Variants in CNTN5 observed in about 807,000 individuals in gnomAD.
CNTN5 encodes contactin 5, also known as contactin-5.
Under a neutral mutation model 129.1 loss-of-function variants are expected in CNTN5, and 77 were observed. The ratio of observed to expected loss-of-function variants is 0.60; its 90% CI spans 0.50 to 0.72. CNTN5 has a LOEUF of 0.72. Among genes scored for constraint, CNTN5 ranks in the 30% least tolerant of loss-of-function variants. The pLI, the probability that CNTN5 is intolerant of heterozygous loss-of-function variation, is 0.00. For missense variants in CNTN5, 1,478 were observed against 1,328.8 expected (o/e 1.11, Z -1.75); for synonymous variants, 509 against 465.6 (o/e 1.09, Z -1.20).
At chr11:99,986,842 G>T (rs1356860790) in intron 8 of CNTN5, among the ~76,000 whole-genome samples, 3 of 152,010 alleles carry the variant, frequency 2.0e-5, no homozygotes, top group Non-Finnish European at 4.4e-5. Flanking sequence ...AGATGAAAGG[G>T]AATCCAAAAT....
At chr11:99,786,238 G>T (rs1284811976) in intron 3 of CNTN5, among the ~76,000 whole-genome samples, 1 of 152,104 alleles carries the variant, frequency 6.6e-6, no homozygotes, top group African/African-American at 2.4e-5. Context: ...CTAATCATTA[G>T]TGAACTCCCA....
At chr11:99,143,357 A>G (rs1315393479) in intron 1 of CNTN5, among the ~76,000 whole-genome samples, 1 of 148,222 alleles carries the variant, frequency 6.7e-6, no homozygotes, top group Non-Finnish European at 1.5e-5. Flanking sequence ...ATATATGTAA[A>G]TATATTTTAT....
intron 13 of CNTN5, among the ~76,000 whole-genome samples, chr11:100,169,167 G>T (rs988121519): frequency 4.6e-5 from 7 of 151,890 alleles, no homozygotes; most frequent in African/African-American, 1.7e-4. Context: ...AAGAAAGAAA[G>T]GATTTAGGAT....
intron 2 of CNTN5, among the ~76,000 whole-genome samples, chr11:99,368,870 CGT>C (rs1565526691): frequency 2.0e-5 from 3 of 151,692 alleles, no homozygotes; most frequent in Non-Finnish European, 4.4e-5. Context: ...TGTAACAAAA[CGT>C]AAGAGTTTCT....
chr11:99,539,087 A>G (rs1948003986), intron 2 of CNTN5, among the ~76,000 whole-genome samples: 1 of 152,092 alleles, frequency 6.6e-6, no homozygotes, highest in Non-Finnish European at 1.5e-5. Context: ...CTCAGGAGAT[A>G]TGCAAGCTTT....
chr11:100,048,168 T>C (rs1244078352), intron 9 of CNTN5, among the ~76,000 whole-genome samples: 1 of 152,054 alleles, frequency 6.6e-6, no homozygotes, highest in Non-Finnish European at 1.5e-5. Flanking sequence ...TTGCACTCTT[T>C]TCTGGAGCTG....
At chr11:99,871,200 C>G (rs1225884868) in intron 6 of CNTN5, among the ~76,000 whole-genome samples, 1 of 151,776 alleles carries the variant, frequency 6.6e-6, no homozygotes, top group South Asian at 2.1e-4. Context: ...AAAATCAGTT[C>G]TTGTAGAAAA....
intron 1 of CNTN5, among the ~76,000 whole-genome samples, chr11:99,314,955 TG>T (rs1468409344): frequency 7.8e-6 from 1 of 128,294 alleles, no homozygotes; most frequent in African/African-American, 2.9e-5. Context: ...GCTCTGTGGG[TG>T]GGGGGACGGG....
chr11:99,736,650 A>G (rs1346504996), intron 3 of CNTN5, among the ~76,000 whole-genome samples: 2 of 152,202 alleles, frequency 1.3e-5, no homozygotes, highest in African/African-American at 4.8e-5. Flanking sequence ...TTAACCATGT[A>G]TGTGAGATCA....
At chr11:99,305,503 A>G (rs904533887) in intron 1 of CNTN5, among the ~76,000 whole-genome samples, 2 of 152,222 alleles carry the variant, frequency 1.3e-5, no homozygotes, top group Non-Finnish European at 2.9e-5. Flanking sequence ...GATGTGATAT[A>G]TTAAAAATGT....
intron 7 of CNTN5, among the ~76,000 whole-genome samples, chr11:99,920,468 C>CTAA (rs1304188913): frequency 6.6e-6 from 1 of 152,150 alleles, no homozygotes; most frequent in Non-Finnish European, 1.5e-5. Flanking sequence ...CAGTATTTGG[C>CTAA]TAATAGGCAC....
chr11:99,354,091 C>T (rs193266332), intron 2 of CNTN5, among the ~76,000 whole-genome samples: 16 of 152,216 alleles, frequency 1.1e-4, no homozygotes, highest in Admixed American at 5.9e-4. Flanking sequence ...AAGGAATTAA[C>T]GTGATACCTC....
At chr11:99,825,859 C>T (rs1379711230) in intron 4 of CNTN5, among the ~76,000 whole-genome samples, 1 of 152,020 alleles carries the variant, frequency 6.6e-6, no homozygotes, top group Admixed American at 6.5e-5. Context: ...TTTATTTTTG[C>T]TTATTCACCC....
Position 100,271,133 on chromosome 11 carries a change from G to C in CNTN5, c.2206G>C (p.Val736Leu), listed in dbSNP as rs1260762660. 6.2e-7 allele frequency: 1 copy of C among 1,612,572 alleles called. No individual in the cohort carries two copies. The highest frequency in any genetic ancestry group is 2.2e-5 in the East Asian group (1 of 44,776). ...AGGGGACATGGAGTCAGCCATGGCT[G>C]TGGACCTAAATCCCTGGGTGGAATA... ...ITGDMESAMA[V>L]DLNPWVEYEF... Residue 736 changes from valine (V) to leucine (L), a missense_variant, in exon 18 of 25, where the codon GTG becomes CTG. Val to Leu is a conservative substitution (Grantham distance 32). Transcript: ENST00000524871.
At chr11:99,878,238 A>T (rs1813789) in intron 6 of CNTN5, among the ~76,000 whole-genome samples, 58,450 of 152,008 alleles carry the variant, frequency 0.38, 11,829 homozygotes, top group Middle Eastern at 0.54. Flanking sequence ...CTGGAATCAG[A>T]GTCAAATGTC....
chr11:99,457,592 CAA>C (rs1017103123), intron 2 of CNTN5, among the ~76,000 whole-genome samples: 1 of 151,598 alleles, frequency 6.6e-6, no homozygotes, highest in Non-Finnish European at 1.5e-5. Flanking sequence ...AAATTAAACA[CAA>C]ATTTTTAACA....
intron 7 of CNTN5, among the ~76,000 whole-genome samples, chr11:99,929,604 A>G (rs1338631930): frequency 6.6e-6 from 1 of 152,180 alleles, no homozygotes; most frequent in East Asian, 1.9e-4. Context: ...CAGCAAGGAA[A>G]AGTGCTGGGC....
chr11:99,919,261 C>T (rs34255464), intron 7 of CNTN5, among the ~76,000 whole-genome samples: 23 of 150,198 alleles, frequency 1.5e-4, no homozygotes, highest in East Asian at 1.4e-3. Flanking sequence ...ACTTGTGTGG[C>T]GCTGTAGTTC....
chr11:99,571,135 G>A (rs2135577103), intron 3 of CNTN5, among the ~76,000 whole-genome samples: 1 of 152,316 alleles, frequency 6.6e-6, no homozygotes, highest in Non-Finnish European at 1.5e-5. Flanking sequence ...TCTGCTTTAT[G>A]GAAAACCAAC....
Sources: allele counts gnomAD v4.1 joint callset (sites outside exome capture counted in the v4.1 genomes callset), GRCh38; gene constraint gnomAD v4.1.1; transcripts MANE v1.5; gene names NCBI Gene and HGNC (gene_info 2026-07-23, HGNC 2026-07-21).